The following LSP1 variants were observed in gnomAD, a reference collection of about 807,000 sequenced individuals.
LSP1 encodes lymphocyte specific protein 1.
Under a neutral mutation model 49.3 loss-of-function variants are expected in LSP1, and 32 were observed. That is an observed-to-expected ratio of 0.65 (90% CI 0.49 to 0.87). LSP1 has a LOEUF of 0.87. Ranked by LOEUF, LSP1 falls within the 40% of genes least tolerant of loss-of-function variation. LSP1 has a pLI of 0.00. For missense variants in LSP1, 428 were observed against 442.6 expected (o/e 0.97, Z 0.30); for synonymous variants, 179 against 178.8 (o/e 1.00, Z -0.01).
chr11:1,881,348 G>A, intron 2 of LSP1, 84 bp from the exon 3 acceptor site: 1 of 1,353,028 alleles, frequency 7.4e-7, no homozygotes, highest in Non-Finnish European at 9.9e-7. Flanking sequence ...TCCAGGGCCT[G>A]AGCGGGCGCC....
chr11:1,876,342 C>T (rs1430754001), intron 1 of LSP1: 18 of 573,108 alleles, frequency 3.1e-5, no homozygotes, highest in Non-Finnish European at 4.0e-5. Context: ...CCCCGAACCA[C>T]CCTGGTGGAA....
chr11:1,869,857 C>T, intron 1 of LSP1: 1 of 463,380 alleles, frequency 2.2e-6, no homozygotes, highest in Non-Finnish European at 4.5e-6. Context: ...CGGACTGGGA[C>T]CCCCTGGGTC....
intron 1 of LSP1, chr11:1,870,192 G>A: frequency 1.9e-6 from 2 of 1,042,486 alleles, no homozygotes; most frequent in South Asian, 1.3e-5. Context: ...TCAGCCATGA[G>A]GACATCCCAA....
intron 10 of LSP1, chr11:1,889,425 AGGGCGGGCACCTCCTGCTCTGTGG>A: frequency 1.5e-6 from 1 of 671,214 alleles, no homozygotes; most frequent in Non-Finnish European, 2.8e-6. Context: ...GGGTGCGGTG[AGGGCGGGCACCTCCTGCTCTGTGG>A]GGGCAGGCAC....
At chr11:1,862,674 C>T (rs2133063399) in intron 1 of LSP1, among the ~76,000 whole-genome samples, 1 of 152,180 alleles carries the variant, frequency 6.6e-6, no homozygotes, top group South Asian at 2.1e-4. Context: ...AATCTCACCT[C>T]CCCTGAGTGA....
At chr11:1,860,385 A>G (rs772384240) in intron 1 of LSP1, among the ~76,000 whole-genome samples, 68 of 152,086 alleles carry the variant, frequency 4.5e-4, no homozygotes, top group Non-Finnish European at 8.4e-4. Flanking sequence ...GGGCAGATGG[A>G]TGGGGTGGAT....
intron 1 of LSP1, chr11:1,876,496 G>A: frequency 1.0e-6 from 1 of 985,532 alleles, no homozygotes; most frequent in Non-Finnish European, 1.2e-6. Flanking sequence ...CACTCCCCAG[G>A]ACCCCAGAGA....
At chr11:1,854,568 CG>C (rs1847441108) in intron 1 of LSP1, among the ~76,000 whole-genome samples, 1 of 152,130 alleles carries the variant, frequency 6.6e-6, no homozygotes, top group Non-Finnish European at 1.5e-5. Flanking sequence ...GGTACAGGTG[CG>C]GGGGGCCACT....
chr11:1,868,826 C>T (rs773591711), intron 1 of LSP1: 26 of 985,664 alleles, frequency 2.6e-5, no homozygotes, highest in South Asian at 4.7e-5. Context: ...TCCCAGCCGG[C>T]GAACCAGAGC....
chr11:1,889,931 C>T (rs954111348), intron 10 of LSP1: 15 of 630,902 alleles, frequency 2.4e-5, no homozygotes, highest in Admixed American at 1.9e-4. Context: ...GGGGCTGGGC[C>T]CTGGGGGGAC....
At chr11:1,878,769 C>T (rs1440364199) in intron 1 of LSP1, among the ~76,000 whole-genome samples, 2 of 152,144 alleles carry the variant, frequency 1.3e-5, no homozygotes, top group Admixed American at 1.3e-4. Context: ...GCCTGGGCTC[C>T]CTCCCTGGGT....
chr11:1,866,343 T>G (rs1324604287), intron 1 of LSP1: 3 of 827,268 alleles, frequency 3.6e-6, no homozygotes, highest in African/African-American at 1.7e-5. Context: ...CACTCAGTGC[T>G]GAGACTCTGA....
chr11:1,870,885 C>T, intron 1 of LSP1: 1 of 986,124 alleles, frequency 1.0e-6, no homozygotes, highest in Non-Finnish European at 1.2e-6. Context: ...AGAGCTCTGC[C>T]AGGGCAGTCC....
At chr11:1,869,718 C>T in intron 1 of LSP1, 1 of 470,542 alleles carries the variant, frequency 2.1e-6, no homozygotes, top group South Asian at 1.5e-5. Context: ...TGGAGGAACG[C>T]AGTGAGGCCA....
At chr11:1,868,827 G>A (rs1376028549) in intron 1 of LSP1, 4 of 985,804 alleles carry the variant, frequency 4.1e-6, no homozygotes, top group African/African-American at 1.7e-5. Flanking sequence ...CCCAGCCGGC[G>A]AACCAGAGCT....
At chr11:1,854,899 C>T (rs1240737853) in intron 1 of LSP1, among the ~76,000 whole-genome samples, 3 of 152,182 alleles carry the variant, frequency 2.0e-5, no homozygotes, top group Admixed American at 6.5e-5. Context: ...CACCCCCTCC[C>T]AGCTGTCTCA....
At chr11:1,867,301 C>A (rs1672705755) in intron 1 of LSP1, among the ~76,000 whole-genome samples, 1 of 152,100 alleles carries the variant, frequency 6.6e-6, no homozygotes, top group South Asian at 2.1e-4. Flanking sequence ...ATACACACCC[C>A]CTCCAGGACA....
chr11:1,883,671 G>A (rs1848641736), intron 4 of LSP1, 111 bp downstream of exon 4: 2 of 1,357,702 alleles, frequency 1.5e-6, no homozygotes, highest in South Asian at 2.8e-5. Flanking sequence ...GAGTGGGTCA[G>A]CACCCCACAC....
At chr11:1,878,468 C>A (rs1488048898) in intron 1 of LSP1, among the ~76,000 whole-genome samples, 2 of 149,032 alleles carry the variant, frequency 1.3e-5, no homozygotes, top group African/African-American at 2.5e-5. Flanking sequence ...GACAGGCAGG[C>A]GGATTCGGGG....
Sources: allele counts gnomAD v4.1 joint callset (sites outside exome capture counted in the v4.1 genomes callset), GRCh38; gene constraint gnomAD v4.1.1; transcripts MANE v1.5; gene names NCBI Gene and HGNC (gene_info 2026-07-23, HGNC 2026-07-21).